The following BRINP2 variants were observed in gnomAD, a reference collection of about 807,000 sequenced individuals.
BRINP2 encodes the protein BMP/retinoic acid inducible neural specific 2, also known as BMP/retinoic acid-inducible neural-specific protein 2.
Under a neutral mutation model 69.2 loss-of-function variants are expected in BRINP2, and 21 were observed. That is an observed-to-expected ratio of 0.30 (90% CI 0.22 to 0.44). BRINP2 has a LOEUF of 0.44. Ranked by LOEUF, BRINP2 falls within the 20% of genes least tolerant of loss-of-function variation. The probability of loss-of-function intolerance (pLI) is 1.00; values close to 1 mark genes in which losing one functional copy is unlikely to be tolerated. For synonymous variants in BRINP2, 380 were observed against 394.1 expected (o/e 0.96, Z 0.42); for missense variants, 877 against 986.0 (o/e 0.89, Z 1.48).
At chr1:177,197,710 C>A (rs1036225393) in intron 1 of BRINP2, among the ~76,000 whole-genome samples, 1 of 151,980 alleles carries the variant, frequency 6.6e-6, no homozygotes, top group Non-Finnish European at 1.5e-5. Flanking sequence ...GATGCATACC[C>A]ACCAAAAAGG....
intron 1 of BRINP2, among the ~76,000 whole-genome samples, chr1:177,193,065 C>A (rs934639566): frequency 9.2e-5 from 14 of 152,282 alleles, no homozygotes; most frequent in African/African-American, 3.4e-4. Flanking sequence ...AGGAGGAAAC[C>A]CACCTGGGTT....
intron 1 of BRINP2, among the ~76,000 whole-genome samples, chr1:177,171,986 G>A (rs1017966637): frequency 1.3e-5 from 2 of 152,172 alleles, no homozygotes; most frequent in Non-Finnish European, 2.9e-5. Context: ...TGGGCTCCCT[G>A]CCTGACCTAT....
chr1:177,205,988 G>T (rs1211671525), intron 1 of BRINP2, among the ~76,000 whole-genome samples: 1 of 152,234 alleles, frequency 6.6e-6, no homozygotes, highest in Non-Finnish European at 1.5e-5. Context: ...GGTCATGAAA[G>T]TCATAACAGC....
intron 3 of BRINP2, 126 bp downstream of exon 3, chr1:177,256,235 T>C: frequency 7.0e-7 from 1 of 1,418,558 alleles, no homozygotes; most frequent in Non-Finnish European, 9.3e-7. Context: ...GAAGTCTTTC[T>C]GGTGCATTTG....
intron 2 of BRINP2, among the ~76,000 whole-genome samples, chr1:177,235,799 G>C (rs993518417): frequency 1.1e-4 from 17 of 152,344 alleles, no homozygotes; most frequent in African/African-American, 4.1e-4. Flanking sequence ...GGTAGAGAAA[G>C]GCTACATTAT....
chr1:177,239,778 G>A (rs1259501156), intron 2 of BRINP2, among the ~76,000 whole-genome samples: 1 of 152,158 alleles, frequency 6.6e-6, no homozygotes, highest in Admixed American at 6.5e-5. Flanking sequence ...AGGCCCCTGA[G>A]TATATTTTAA....
intron 1 of BRINP2, among the ~76,000 whole-genome samples, chr1:177,207,391 A>G (rs568392571): frequency 2.0e-4 from 30 of 152,258 alleles, no homozygotes; most frequent in Admixed American, 1.9e-3. Flanking sequence ...AAGGGGGAAG[A>G]GTAGGGTTGC....
rs1651651076 is a variant in BRINP2, at chr1:177,280,401, T to G, written c.1236-11T>G. Reference sequence around the variant, plus strand: ...TTTGACTCTTACTTCATTTTATCTCTGCTCCCCAAGGTCCTTGTCCTACTG... The same window carrying G: ...TTTGACTCTTACTTCATTTTATCTCGGCTCCCCAAGGTCCTTGTCCTACTG... On this transcript the variant is annotated splice_polypyrimidine_tract_variant and intron_variant, in intron 7 of 7. Coordinates refer to ENST00000361539, the MANE Select transcript of BRINP2 (RefSeq NM_021165.4). 1 of 1,575,492 alleles carries G rather than the reference T, an allele frequency of 6.3e-7. No homozygotes were observed. Among genetic ancestry groups the G allele is most frequent in the Admixed American group, 1.8e-5 (1 of 55,040 alleles).
intron 4 of BRINP2, among the ~76,000 whole-genome samples, chr1:177,265,114 C>T (rs1445892805): frequency 6.6e-6 from 1 of 152,090 alleles, no homozygotes; most frequent in Admixed American, 6.5e-5. Context: ...GATATATAGA[C>T]CAATGGAACA....
chr1:177,239,793 T>C (rs925860004), intron 2 of BRINP2, among the ~76,000 whole-genome samples: 9 of 152,220 alleles, frequency 5.9e-5, no homozygotes, highest in Non-Finnish European at 1.3e-4. Flanking sequence ...TTTTAAGATT[T>C]CTAGGTATAG....
chr1:177,253,964 T>C (rs1650668607), intron 2 of BRINP2, among the ~76,000 whole-genome samples: 1 of 152,144 alleles, frequency 6.6e-6, no homozygotes, highest in Non-Finnish European at 1.5e-5. Flanking sequence ...GTGTAAACAC[T>C]TTACATTTTG....
At chr1:177,182,314 A>G (rs1480056734) in intron 1 of BRINP2, among the ~76,000 whole-genome samples, 1 of 152,076 alleles carries the variant, frequency 6.6e-6, no homozygotes, top group African/African-American at 2.4e-5. Flanking sequence ...GTGTTAAGGT[A>G]TTAATGACTA....
At chr1:177,197,799 GA>G (rs1427395923) in intron 1 of BRINP2, among the ~76,000 whole-genome samples, 1 of 152,170 alleles carries the variant, frequency 6.6e-6, no homozygotes, top group African/African-American at 2.4e-5. Context: ...ATTGGATGGG[GA>G]ATAAGGTGTG....
chr1:177,222,975 G>A (rs1453106551), intron 1 of BRINP2, among the ~76,000 whole-genome samples: 1 of 152,192 alleles, frequency 6.6e-6, no homozygotes, highest in African/African-American at 2.4e-5. Context: ...AAGTTGTAAA[G>A]GCTTTGGGAT....
intron 1 of BRINP2, among the ~76,000 whole-genome samples, chr1:177,205,867 G>A (rs1301917253): frequency 6.6e-6 from 1 of 152,160 alleles, no homozygotes; most frequent in African/African-American, 2.4e-5. Flanking sequence ...TTCAATACTC[G>A]TTAGTTCCTG....
chr1:177,204,577 G>T (rs1317566947), intron 1 of BRINP2, among the ~76,000 whole-genome samples: 1 of 152,100 alleles, frequency 6.6e-6, no homozygotes, highest in African/African-American at 2.4e-5. Flanking sequence ...TATGCAAGTG[G>T]GCTGGTAACA....
In BRINP2 at chr1:177,230,007, A is replaced by G. The variant is rs1425519619; in HGVS notation, c.131A>G (p.Glu44Gly). ...GCCACGGCGGCTGCTGTGGTCCCCG[A>G]GCAGCATGCCTCCGTAGCTGGCCAG... ...VSATAAAVVP[E>G]QHASVAGQHP... The change falls in exon 2 of 8, where the codon GAG (glutamate) becomes GGG (glycine). Residue 44 changes from glutamate to glycine, a missense_variant. Around this residue, in one of 3 missense-constraint regions of BRINP2, gnomAD observed 566 missense variants for 625.2 expected, o/e 0.91. Transcript: ENST00000361539. 6.2e-7 allele frequency: 1 copy of G among 1,613,578 alleles called. No homozygotes were observed. Among genetic ancestry groups the G allele is most frequent in the South Asian group, 1.1e-5 (1 of 91,062 alleles).
chr1:177,234,033 A>G (rs1649940641), intron 2 of BRINP2, among the ~76,000 whole-genome samples: 1 of 152,214 alleles, frequency 6.6e-6, no homozygotes, highest in Non-Finnish European at 1.5e-5. Context: ...CCTTGTCAAA[A>G]CAAGATCTGA....
intron 6 of BRINP2, among the ~76,000 whole-genome samples, chr1:177,276,806 T>C (rs2102363067): frequency 6.6e-6 from 1 of 152,360 alleles, no homozygotes; most frequent in African/African-American, 2.4e-5. Context: ...ATAGAATGGT[T>C]CTAGATGACA....
Sources: gnomAD v4.1 joint callset for allele counts (sites outside exome capture counted in the v4.1 genomes callset) on GRCh38, gnomAD v4.1.1 for gene constraint, gnomAD v4.1.1 regional missense constraint, MANE v1.5 for transcripts, NCBI Gene and HGNC (gene_info 2026-07-23, HGNC 2026-07-21) for gene names.